PHF24: variants seen among roughly 807,000 people sequenced by gnomAD.
PHF24 encodes the protein PHD finger protein 24.
PHF24 carries 25 observed loss-of-function variants against 42.6 expected under a neutral mutation model. The ratio of observed to expected loss-of-function variants is 0.59; its 90% CI spans 0.43 to 0.82. The LOEUF is 0.82. Ranked by LOEUF, PHF24 falls within the 40% of genes least tolerant of loss-of-function variation. The probability of loss-of-function intolerance (pLI) is 0.00; values close to 1 mark genes in which losing one functional copy is unlikely to be tolerated. For synonymous variants in PHF24, 185 were observed against 204.8 expected (o/e 0.90, Z 0.83); for missense variants, 470 against 538.1 (o/e 0.87, Z 1.25).
the PHF24 span, among the ~76,000 whole-genome samples, chr9:34,756,364 G>A: frequency 2.4e-3 from 366 of 152,280 alleles, 1 homozygote; most frequent in African/African-American, 7.9e-3. Flanking sequence ...CTCCCGAAGT[G>A]CTGGGATTAC....
upstream of PHF24, among the ~76,000 whole-genome samples, chr9:34,957,236 C>T (rs2132835058): frequency 6.6e-6 from 1 of 152,156 alleles, no homozygotes; most frequent in African/African-American, 2.4e-5. Context: ...GTACCTAGCA[C>T]AGTATGTAAC....
the PHF24 span, chr9:34,665,919 C>T: frequency 7.6e-5 from 42 of 549,186 alleles, no homozygotes; most frequent in Non-Finnish European, 1.1e-4. Context: ...AGAGGTTTGG[C>T]GGTCATGGGG....
At chr9:34,768,902 G>T in the PHF24 span, among the ~76,000 whole-genome samples, 1 of 151,880 alleles carries the variant, frequency 6.6e-6, no homozygotes, top group Non-Finnish European at 1.5e-5. Context: ...TGGGGGGAGA[G>T]AGAGAGAGAG....
the PHF24 span, among the ~76,000 whole-genome samples, chr9:34,819,258 G>GT: frequency 6.6e-6 from 1 of 151,696 alleles, no homozygotes; most frequent in Non-Finnish European, 1.5e-5. Context: ...ATTCTATATT[G>GT]TTTTTCTGTT....
chr9:34,879,802 C>G, the PHF24 span, among the ~76,000 whole-genome samples: 1 of 152,114 alleles, frequency 6.6e-6, no homozygotes, highest in Non-Finnish European at 1.5e-5. Flanking sequence ...GAGAACTTCC[C>G]CAATCTAGCA....
the PHF24 span, among the ~76,000 whole-genome samples, chr9:34,920,202 A>T: frequency 1.3e-5 from 2 of 152,226 alleles, no homozygotes; most frequent in Non-Finnish European, 2.9e-5. Flanking sequence ...TTTTCTGCAC[A>T]TACTTGCCAG....
chr9:34,964,803 G>A (rs1278885697), intron 1 of PHF24, among the ~76,000 whole-genome samples: 2 of 152,100 alleles, frequency 1.3e-5, no homozygotes, highest in Admixed American at 1.3e-4. Flanking sequence ...GAAGTCAGAC[G>A]GCCCTATTCC....
At chr9:34,828,328 C>T in the PHF24 span, among the ~76,000 whole-genome samples, 2 of 152,144 alleles carry the variant, frequency 1.3e-5, no homozygotes, top group African/African-American at 2.4e-5. Flanking sequence ...TATTCTGTGT[C>T]CTCTACAACA....
At chr9:34,765,781 G>A in the PHF24 span, among the ~76,000 whole-genome samples, 1 of 152,172 alleles carries the variant, frequency 6.6e-6, no homozygotes, top group Non-Finnish European at 1.5e-5. Context: ...AGTTGATGCA[G>A]TTTCTTCCTA....
chr9:34,872,259 G>C, the PHF24 span, among the ~76,000 whole-genome samples: 1 of 150,512 alleles, frequency 6.6e-6, no homozygotes, highest in East Asian at 2.0e-4. Flanking sequence ...ACATTGTGCA[G>C]GTTAGTTACA....
chr9:34,710,397 C>T, the PHF24 span, among the ~76,000 whole-genome samples: 1 of 152,110 alleles, frequency 6.6e-6, no homozygotes, highest in Non-Finnish European at 1.5e-5. Flanking sequence ...TGACTGTCTC[C>T]TCACTACGCT....
At chr9:34,917,403 A>G in the PHF24 span, 1 of 769,902 alleles carries the variant, frequency 1.3e-6, no homozygotes, top group Non-Finnish European at 2.4e-6. Context: ...TCCAACAGTG[A>G]CATGTATCTC....
At chr9:34,847,003 C>T in the PHF24 span, among the ~76,000 whole-genome samples, 1 of 152,230 alleles carries the variant, frequency 6.6e-6, no homozygotes, top group South Asian at 2.1e-4. Context: ...CCTACTGTAG[C>T]CTTGTAGTAT....
upstream of PHF24, among the ~76,000 whole-genome samples, chr9:34,958,115 G>A (rs1270262185): frequency 2.0e-5 from 3 of 148,934 alleles, no homozygotes; most frequent in Non-Finnish European, 3.0e-5. This position sits in a 1 kb window ranked among gnomAD's most constrained non-coding sequence, Gnocchi z 4.5. Context: ...GTCTCCTGGA[G>A]GCGCAAGAGG....
chr9:34,906,286 G>A, the PHF24 span, among the ~76,000 whole-genome samples: 2 of 152,106 alleles, frequency 1.3e-5, no homozygotes, highest in African/African-American at 2.4e-5. Context: ...ATTTTAGGGA[G>A]GCAGAAGTTA....
chr9:34,798,250 G>A, the PHF24 span, among the ~76,000 whole-genome samples: 13 of 152,288 alleles, frequency 8.5e-5, no homozygotes, highest in African/African-American at 3.1e-4. Context: ...TGGTACATGT[G>A]TAGGTTTGTT....
At chr9:34,673,626 T>A in the PHF24 span, among the ~76,000 whole-genome samples, 382 of 150,446 alleles carry the variant, frequency 2.5e-3, 3 homozygotes, top group East Asian at 0.031. Flanking sequence ...CTGGCTAATT[T>A]TTTTTTTTTT....
chr9:34,713,164 T>G, the PHF24 span, among the ~76,000 whole-genome samples: 48 of 152,312 alleles, frequency 3.2e-4, no homozygotes, highest in Non-Finnish European at 2.2e-4. Flanking sequence ...CTTTGTTTTG[T>G]GGGGTTACTG....
the PHF24 span, among the ~76,000 whole-genome samples, chr9:34,948,000 T>TCCC: frequency 6.6e-6 from 1 of 151,256 alleles, no homozygotes. Context: ...TCCCAGCTAC[T>TCCC]CGGGAGGCTG....
Sources: allele counts gnomAD v4.1 joint callset (sites outside exome capture counted in the v4.1 genomes callset), GRCh38; gene constraint gnomAD v4.1.1; non-coding constraint Gnocchi (gnomAD v3.1); transcripts MANE v1.5; gene names NCBI Gene and HGNC (gene_info 2026-07-23, HGNC 2026-07-21).